Variants in CREBBP observed in about 807,000 individuals in gnomAD.
The protein encoded by CREBBP is CREB binding lysine acetyltransferase.
In CREBBP, 19 loss-of-function variants were observed where a neutral mutation model predicts 265.0. The ratio of observed to expected loss-of-function variants is 0.07; its 90% CI spans 0.05 to 0.11. The LOEUF (loss-of-function observed/expected upper bound fraction) is 0.11, where lower values mean the gene tolerates loss of function less well. CREBBP is among the 10% of genes least tolerant of loss of function. The pLI is 1.00. For synonymous variants in CREBBP, 1,457 were observed against 1,223.7 expected (o/e 1.19, Z -3.98); for missense variants, 2,525 against 3,219.0 (o/e 0.78, Z 5.22).
intron 23 of CREBBP, chr16:3,742,174 G>A (rs2052232949): frequency 6.6e-6 from 1 of 152,312 alleles, no homozygotes; most frequent in East Asian, 1.9e-4. Context: ...TTTGACACCT[G>A]TGATCCACAC....
At chr16:3,757,054 T>C (rs896004242) in intron 19 of CREBBP, among the ~76,000 whole-genome samples, 3 of 152,132 alleles carry the variant, frequency 2.0e-5, no homozygotes, top group African/African-American at 4.8e-5. Context: ...TCTTTTCAAA[T>C]AGAGATGGGG....
intron 2 of CREBBP, 41 bp downstream of exon 2, chr16:3,850,256 C>T (rs745677355): frequency 3.7e-6 from 6 of 1,606,976 alleles, no homozygotes; most frequent in Admixed American, 3.3e-5. Context: ...GGAAAGCCCG[C>T]GGTTAGGTAG....
In CREBBP at chr16:3,726,313, TGGA is replaced by T. The variant is rs1381106508; in HGVS notation, c.*1402_*1404del. Reference sequence around the variant, plus strand: ...TGGCAGCTACGACGGACAGGGAGGATGGAGGAGTGGGCCAAATGCAGTTTCAGA... The same window carrying T: ...TGGCAGCTACGACGGACAGGGAGGATGGAGTGGGCCAAATGCAGTTTCAGA... On this transcript the variant is annotated 3_prime_UTR_variant, in exon 31 of 31. Transcript: ENST00000262367. The T allele has an allele frequency of 4.3e-6, 1 of 232,830 alleles. No individual in the cohort carries two copies. The highest frequency in any genetic ancestry group is 2.2e-5 in the African/African-American group (1 of 45,194). 14.4% of individuals were successfully genotyped at this position (232,830 alleles called of 1,614,324 possible).
chr16:3,790,879 T>C (rs1443245800), intron 5 of CREBBP, among the ~76,000 whole-genome samples: 1 of 152,088 alleles, frequency 6.6e-6, no homozygotes, highest in South Asian at 2.1e-4. Context: ...CACAGTACTC[T>C]TAGGAACAAA....
chr16:3,838,993 C>T lies in CREBBP; in HGVS notation c.798+11304G>A, dbSNP rs547941661. ...TACTCAATATTCTCTGGAAGGTTTT[C>T]AGTAAACCTATGCATATACTAAGAA... On this transcript the variant is annotated intron_variant, in intron 2 of 30. Transcript: ENST00000262367. Among the ~76,000 whole-genome samples, 238 of 152,326 alleles carry T rather than the reference C, an allele frequency of 1.6e-3. 1 individual carries two copies. The highest frequency in any genetic ancestry group is 2.9e-3 in the South Asian group (14 of 4,828).
Position 3,729,094 on chromosome 16 carries a change from G to A in CREBBP, c.5953C>T (p.Arg1985Cys), listed in dbSNP as rs767715745. ...CTCCCCGGGGTCCCCATGCCCGTGC[G>A]TCCTGGGGGCATGCTGTTGTTGATG... ...VNINNSMPPG[R>C]TGMGTPGSQM... is the part of the protein sequence containing the mutation. The change falls in exon 31 of 31, where the codon CGC becomes TGC. Residue 1985 changes from arginine (R) to cysteine (C), a missense_variant. By Grantham distance (180) the Arg-to-Cys change is radical. Coordinates refer to ENST00000262367, the MANE Select transcript of CREBBP (RefSeq NM_004380.3). 1.1e-5 allele frequency: 17 copies of A among 1,584,652 alleles called. No homozygotes were observed. Among genetic ancestry groups the A allele is most frequent in the South Asian group, 2.3e-5 (2 of 88,540 alleles).
chr16:3,841,196 C>T (rs1234284994), intron 2 of CREBBP, among the ~76,000 whole-genome samples: 1 of 151,864 alleles, frequency 6.6e-6, no homozygotes, highest in Non-Finnish European at 1.5e-5. Context: ...GTAGTTTGAA[C>T]GTATCTGAAT....
intron 21 of CREBBP, chr16:3,745,701 C>A (rs2052325835): frequency 2.6e-6 from 1 of 391,790 alleles, no homozygotes; most frequent in South Asian, 2.3e-5. Flanking sequence ...AGAACAATGC[C>A]TTCTCTAGGT....
intron 16 of CREBBP, among the ~76,000 whole-genome samples, chr16:3,762,542 G>A (rs904243736): frequency 6.6e-6 from 1 of 151,802 alleles, no homozygotes; most frequent in Non-Finnish European, 1.5e-5. Context: ...TCCCATATGT[G>A]CAGAAGTGAA....
intron 3 of CREBBP, among the ~76,000 whole-genome samples, chr16:3,799,493 T>C (rs965503076): frequency 2.6e-5 from 4 of 152,238 alleles, no homozygotes; most frequent in African/African-American, 9.6e-5. Context: ...GGTGTAATTT[T>C]GGAAAGCAAC....
rs540320831 is a variant in CREBBP, at chr16:3,851,514, T to C, written c.86-505A>G. Among the ~76,000 whole-genome samples the C allele has an allele frequency of 2.0e-5, 3 of 152,084 alleles. No individual in the cohort carries two copies. In the South Asian group the frequency reaches 6.2e-4, roughly 32 times the overall value. On this transcript the variant is annotated intron_variant, in intron 1 of 30. Coordinates refer to ENST00000262367, the MANE Select transcript of CREBBP (RefSeq NM_004380.3). ...AGATATACAAATTAAAAGAAAACAA[T>C]GGGAAGACTCCAAATTCACTGAATT...
intron 3 of CREBBP, among the ~76,000 whole-genome samples, chr16:3,799,512 A>G (rs565226043): frequency 6.6e-6 from 1 of 152,392 alleles, no homozygotes; most frequent in East Asian, 1.9e-4. Context: ...ACATGTATCA[A>G]AAAGAAAAAC....
chr16:3,845,531 G>C (rs1405729012), intron 2 of CREBBP, among the ~76,000 whole-genome samples: 1 of 152,074 alleles, frequency 6.6e-6, no homozygotes, highest in Non-Finnish European at 1.5e-5. Flanking sequence ...ATTATAACAA[G>C]AAAAAATATA....
At chr16:3,836,579 A>G (rs2054457202) in intron 2 of CREBBP, among the ~76,000 whole-genome samples, 1 of 152,194 alleles carries the variant, frequency 6.6e-6, no homozygotes, top group East Asian at 1.9e-4. Flanking sequence ...TGTGGGTTAC[A>G]TGGGTAAAGG....
rs1158351339 is a variant in CREBBP at position 3,728,936 on chromosome 16, C to G, written c.6111G>C (p.Arg2037Ser). The change falls in exon 31 of 31, where the codon AGG becomes AGC. Residue 2037 changes from arginine (R) to serine (S), a missense_variant. By Grantham distance (110) the Arg-to-Ser change is moderately radical. Transcript: ENST00000262367. The surrounding 1 kb of genome is among the most constrained non-coding windows in gnomAD (Gnocchi z 8.7). ...PQQQPMPGLP[R>S]PVISMQAQAA... ...CCTGGGCCTGCATGGATATCACAGG[C>G]CTGGGCAAGCCTGGCATGGGCTGCT... 6.2e-7 allele frequency: 1 copy of G among 1,601,104 alleles called. No homozygotes were observed. Among genetic ancestry groups the G allele is most frequent in the Middle Eastern group, 1.7e-4 (1 of 6,036 alleles).
chr16:3,780,655 G>A, intron 8 of CREBBP, 77 bp downstream of exon 8: 1 of 1,488,502 alleles, frequency 6.7e-7, no homozygotes, highest in Non-Finnish European at 9.3e-7. Context: ...AGGCTCCTAG[G>A]GTACTGTCAT....
chr16:3,828,012 T>A (rs1376110655), intron 2 of CREBBP, among the ~76,000 whole-genome samples: 1 of 152,138 alleles, frequency 6.6e-6, no homozygotes, highest in East Asian at 1.9e-4. Context: ...TAAAAAATAA[T>A]GTTTAAGAAA....
At chr16:3,834,687 T>A (rs770670810) in intron 2 of CREBBP, among the ~76,000 whole-genome samples, 6 of 152,208 alleles carry the variant, frequency 3.9e-5, no homozygotes, top group Non-Finnish European at 8.8e-5. Flanking sequence ...CGGATTATGA[T>A]GTATCAATAT....
At chr16:3,878,471 T>C (rs2055448822) in intron 1 of CREBBP, among the ~76,000 whole-genome samples, 1 of 152,248 alleles carries the variant, frequency 6.6e-6, no homozygotes, top group African/African-American at 2.4e-5. Context: ...TTATGATTGA[T>C]CTTTAAAAAT....
Sources: gnomAD v4.1 joint callset for allele counts (sites outside exome capture counted in the v4.1 genomes callset) on GRCh38, gnomAD v4.1.1 for gene constraint, Gnocchi (gnomAD v3.1) non-coding constraint, MANE v1.5 for transcripts, NCBI Gene and HGNC (gene_info 2026-07-23, HGNC 2026-07-21) for gene names.